Variants in UGGT2 observed in about 807,000 individuals in gnomAD.
UGGT2 encodes the protein UDP-glucose:glycoprotein glucosyltransferase 2.
In UGGT2, 180 loss-of-function variants were observed where a neutral mutation model predicts 192.1. The ratio of observed to expected loss-of-function variants is 0.94; its 90% CI spans 0.83 to 1.06. UGGT2 has a LOEUF of 1.06. Among genes scored for constraint, UGGT2 ranks in the 50% least tolerant of loss-of-function variants. The pLI is 0.00. For missense variants in UGGT2, 1,849 were observed against 1,795.7 expected (o/e 1.03, Z -0.54); for synonymous variants, 580 against 591.0 (o/e 0.98, Z 0.27).
Position 95,900,942 on chromosome 13 carries a change from A to G in UGGT2, c.2503-4T>C. 3 of 1,578,646 alleles carry G rather than the reference A, an allele frequency of 1.9e-6. No homozygotes were observed. Among genetic ancestry groups the G allele is most frequent in the Non-Finnish European group, 2.6e-6 (3 of 1,166,702 alleles). On this transcript the variant is annotated splice_polypyrimidine_tract_variant and splice_region_variant and intron_variant, in intron 21 of 38. Coordinates refer to ENST00000376747, the MANE Select transcript of UGGT2 (RefSeq NM_020121.4). ...CAAAAGCATTCTTATCCATCCCCTA[A>G]AGCAAAAGTTAAGACTGATGAAACT...
intron 38 of UGGT2, among the ~76,000 whole-genome samples, chr13:95,827,831 T>A (rs1427510761): frequency 6.6e-6 from 1 of 152,098 alleles, no homozygotes; most frequent in Non-Finnish European, 1.5e-5. Flanking sequence ...ATTTCTGACA[T>A]CAGAATCATA....
intron 2 of UGGT2, among the ~76,000 whole-genome samples, chr13:96,026,797 G>A (rs552127172): frequency 4.2e-4 from 64 of 150,672 alleles, no homozygotes; most frequent in East Asian, 2.0e-3. Context: ...TCAGCCTCCC[G>A]AGTAGCTGGG....
rs41315036 is a variant in UGGT2 at position 95,877,317 on chromosome 13, T to C, written c.3435A>G (p.Leu1145=). ...KANPGAWILR[L]HQGKSEDIYQ... Reference sequence around the variant, plus strand: ...AAATATCTTCAGATTTTCCTTGGTGTAACCTCAGTATCCAAGCACCTGGGT... The same window carrying C: ...AAATATCTTCAGATTTTCCTTGGTGCAACCTCAGTATCCAAGCACCTGGGT... Residue 1145 remains leucine, a synonymous_variant, in exon 29 of 39, where the codon TTA becomes TTG. Transcript: ENST00000376747. 45,953 of 1,606,002 alleles carry C rather than the reference T, an allele frequency of 0.029. 743 individuals are homozygous for C. Among genetic ancestry groups the C allele is most frequent in the Non-Finnish European group, 0.032 (37,207 of 1,176,990 alleles).
At chr13:95,901,617 CT>C (rs1365535450) in intron 21 of UGGT2, among the ~76,000 whole-genome samples, 7 of 152,126 alleles carry the variant, frequency 4.6e-5, no homozygotes, top group African/African-American at 1.7e-4. Flanking sequence ...TTCCCAGATG[CT>C]TTCATGATGA....
chr13:95,896,069 C>T (rs926316581), intron 22 of UGGT2, among the ~76,000 whole-genome samples: 1 of 152,064 alleles, frequency 6.6e-6, no homozygotes, highest in African/African-American at 2.4e-5. Context: ...ACACCACGTA[C>T]ACAAAACCCT....
intron 6 of UGGT2, among the ~76,000 whole-genome samples, chr13:95,998,170 C>T (rs1169350712): frequency 2.6e-5 from 4 of 151,964 alleles, no homozygotes; most frequent in African/African-American, 9.7e-5. Flanking sequence ...AATTGACAGG[C>T]GAAGACATAT....
intron 26 of UGGT2, among the ~76,000 whole-genome samples, 167 bp downstream of exon 26, chr13:95,887,725 T>G (rs11842396): frequency 6.6e-6 from 1 of 151,700 alleles, no homozygotes; most frequent in Non-Finnish European, 1.5e-5. Flanking sequence ...TTAATTTTTA[T>G]ATCAATTTTA....
chr13:95,922,454 A>G (rs1192902490), intron 20 of UGGT2, among the ~76,000 whole-genome samples: 1 of 152,204 alleles, frequency 6.6e-6, no homozygotes, highest in African/African-American at 2.4e-5. Context: ...CCCTGGAATC[A>G]AAGCTAAAAA....
intron 1 of UGGT2, among the ~76,000 whole-genome samples, chr13:96,041,843 C>A (rs962683765): frequency 7.9e-5 from 12 of 152,056 alleles, no homozygotes; most frequent in Non-Finnish European, 1.2e-4. Flanking sequence ...ATCCCACCCC[C>A]ATCCCCCACA....
chr13:95,848,615 GCTCT>G (rs1443684022), intron 36 of UGGT2, among the ~76,000 whole-genome samples: 2 of 152,116 alleles, frequency 1.3e-5, no homozygotes, highest in South Asian at 2.1e-4. Context: ...TTATTTCTGG[GCTCT>G]CTATTGTTCC....
At chr13:95,996,589 G>A (rs991440446) in intron 6 of UGGT2, among the ~76,000 whole-genome samples, 1 of 151,728 alleles carries the variant, frequency 6.6e-6, no homozygotes, top group African/African-American at 2.4e-5. Flanking sequence ...ACATATATAT[G>A]CATGTGTACA....
chr13:96,033,882 A>G (rs959804949), intron 1 of UGGT2, among the ~76,000 whole-genome samples: 8 of 152,214 alleles, frequency 5.3e-5, no homozygotes, highest in Non-Finnish European at 8.8e-5. Flanking sequence ...TGCCATGGAC[A>G]TGGTAGATGG....
At position 95,856,161 on chromosome 13, in the gene UGGT2, G is replaced by A; in HGVS notation, c.4005C>T (p.Asp1335=). 6.2e-7 allele frequency: 1 copy of A among 1,610,128 alleles called. No homozygotes were observed. The highest frequency in any genetic ancestry group is 1.1e-5 in the South Asian group (1 of 90,448). Residue 1335 remains aspartate (D), a synonymous_variant, in exon 34 of 39, where the codon GAC becomes GAT. Transcript: ENST00000376747. ...AVDKIIFVDA[D]QIVRHDLKEL... is the part of the protein sequence containing the mutation. ...AAATAGTAGTTAACCTTATTACCTGGTCAGCATCAACAAAAATGATTTTGT... is the reference window on the plus strand; with the variant it reads ...AAATAGTAGTTAACCTTATTACCTGATCAGCATCAACAAAAATGATTTTGT...
intron 38 of UGGT2, among the ~76,000 whole-genome samples, chr13:95,822,821 A>ATTTC (rs1163392238): frequency 6.6e-6 from 1 of 151,266 alleles, no homozygotes; most frequent in Admixed American, 6.6e-5. Flanking sequence ...GATCTTTGTG[A>ATTTC]TTTCTTTTCT....
chr13:95,975,944 T>C (rs1401142185), intron 10 of UGGT2, among the ~76,000 whole-genome samples: 1 of 152,126 alleles, frequency 6.6e-6, no homozygotes, highest in African/African-American at 2.4e-5. Flanking sequence ...ATCTCAAATA[T>C]TTACCATTTC....
At chr13:95,879,913 T>C (rs944671622) in intron 27 of UGGT2, among the ~76,000 whole-genome samples, 2 of 152,172 alleles carry the variant, frequency 1.3e-5, no homozygotes, top group African/African-American at 4.8e-5. Context: ...TTATTATACT[T>C]TAAATTCTGG....
chr13:95,929,064 C>T (rs946571523), intron 17 of UGGT2, among the ~76,000 whole-genome samples: 20 of 152,178 alleles, frequency 1.3e-4, no homozygotes, highest in South Asian at 1.2e-3. Flanking sequence ...CGTGGCGGCG[C>T]GCGCCTGCAA....
At chr13:95,987,839 C>T (rs548509091) in intron 8 of UGGT2, among the ~76,000 whole-genome samples, 4 of 152,198 alleles carry the variant, frequency 2.6e-5, no homozygotes, top group African/African-American at 9.6e-5. Flanking sequence ...TTGTTTGCCC[C>T]CCGCATCCAC....
intron 10 of UGGT2, among the ~76,000 whole-genome samples, chr13:95,981,582 T>A (rs1019294238): frequency 1.3e-5 from 2 of 152,122 alleles, no homozygotes; most frequent in African/African-American, 4.8e-5. Flanking sequence ...ACCAGAGCAA[T>A]TGACCTGGTG....
Sources: gnomAD v4.1 joint callset for allele counts (sites outside exome capture counted in the v4.1 genomes callset) on GRCh38, gnomAD v4.1.1 for gene constraint, MANE v1.5 for transcripts, NCBI Gene and HGNC (gene_info 2026-07-23, HGNC 2026-07-21) for gene names.